BBOX1: variants seen among roughly 807,000 people sequenced by gnomAD.
BBOX1 encodes the protein gamma-butyrobetaine dioxygenase.
In BBOX1, 35 loss-of-function variants were observed where a neutral mutation model predicts 41.6. The ratio of observed to expected loss-of-function variants is 0.84; its 90% CI spans 0.64 to 1.11. BBOX1 has a LOEUF of 1.11. Among genes scored for constraint, BBOX1 ranks in the 50% most tolerant of loss-of-function variants. The pLI is 0.00. For synonymous variants in BBOX1, 163 were observed against 154.7 expected (o/e 1.05, Z -0.40); for missense variants, 458 against 460.6 (o/e 0.99, Z 0.05).
chr11:27,046,292 A>G (rs917203088), intron 2 of BBOX1: 1 of 152,186 alleles, frequency 6.6e-6, no homozygotes, highest in African/African-American at 2.4e-5. Context: ...AGAAAAAGAA[A>G]AAAAAGGAGA....
intron 5 of BBOX1, 140 bp from the exon 6 acceptor site, chr11:27,115,312 T>C (rs1859218829): frequency 1.6e-6 from 1 of 623,410 alleles, no homozygotes; most frequent in Non-Finnish European, 2.6e-6. Flanking sequence ...GTCAGATTCC[T>C]TGTCTCACTC....
At chr11:27,078,381 G>A (rs1329104616) in intron 4 of BBOX1, among the ~76,000 whole-genome samples, 1 of 151,750 alleles carries the variant, frequency 6.6e-6, no homozygotes, top group Non-Finnish European at 1.5e-5. Flanking sequence ...GTGCAGTTTT[G>A]TTACAATGTA....
At chr11:27,099,325 G>T (rs1858559474) in intron 5 of BBOX1, among the ~76,000 whole-genome samples, 1 of 151,870 alleles carries the variant, frequency 6.6e-6, no homozygotes, top group African/African-American at 2.4e-5. Flanking sequence ...TGTAATGAGG[G>T]TTACACTGGT....
chr11:27,093,673 G>T lies in BBOX1; in HGVS notation c.533+307G>T, dbSNP rs528952959. Among the ~76,000 whole-genome samples the T allele has an allele frequency of 1.4e-4, 22 of 151,778 alleles. 1 individual carries two copies. Among genetic ancestry groups the T allele is most frequent in the African/African-American group, 5.1e-4 (21 of 41,372 alleles). On this transcript the variant is annotated intron_variant, in intron 5 of 8. Transcript: ENST00000263182. The stretch of plus-strand genomic sequence containing the variant: ...TTAAACAGCAGAAAATTATTTATTT[G>T]TTTTTTTACAGTTCTGGAAACTGGA...
At chr11:27,062,678 C>T (rs1161064607) in intron 4 of BBOX1, among the ~76,000 whole-genome samples, 1 of 152,092 alleles carries the variant, frequency 6.6e-6, no homozygotes, top group African/African-American at 2.4e-5. Flanking sequence ...CTGCCTCAGC[C>T]TCCCGAGTAG....
intron 4 of BBOX1, among the ~76,000 whole-genome samples, chr11:27,088,400 G>A (rs1858120982): frequency 6.6e-6 from 1 of 152,068 alleles, no homozygotes; most frequent in Non-Finnish European, 1.5e-5. Context: ...GAAGCTAGCT[G>A]ATTTTTCAGT....
chr11:27,116,472 C>A (rs1590225204), intron 6 of BBOX1, among the ~76,000 whole-genome samples: 1 of 150,444 alleles, frequency 6.6e-6, no homozygotes, highest in Non-Finnish European at 1.5e-5. Context: ...TAAAGTATAA[C>A]AAAAAAAAAA....
intron 4 of BBOX1, among the ~76,000 whole-genome samples, chr11:27,090,232 G>A (rs978509145): frequency 8.6e-5 from 13 of 151,894 alleles, no homozygotes; most frequent in Non-Finnish European, 5.9e-5. Context: ...ATATTTCAAC[G>A]TAGGTTCTTT....
chr11:27,104,483 T>C (rs1051658790), intron 5 of BBOX1, among the ~76,000 whole-genome samples: 2 of 152,190 alleles, frequency 1.3e-5, no homozygotes, highest in Non-Finnish European at 2.9e-5. Context: ...TAGGGAGAAT[T>C]CAGAGAGATT....
intron 4 of BBOX1, among the ~76,000 whole-genome samples, chr11:27,065,415 A>G (rs150163207): frequency 1.3e-5 from 2 of 152,238 alleles, no homozygotes; most frequent in African/African-American, 4.8e-5. Context: ...CATTTTCTGC[A>G]CTGCACTTGG....
chr11:27,048,950 ATATATTCTCATTG>A (rs1369415589), intron 2 of BBOX1, among the ~76,000 whole-genome samples: 1 of 122,590 alleles, frequency 8.2e-6, no homozygotes, highest in Non-Finnish European at 1.6e-5. Context: ...TCCTGTGTCC[ATATATTCTCATTG>A]TTAAATTCCC....
intron 4 of BBOX1, among the ~76,000 whole-genome samples, chr11:27,064,600 A>C (rs1857226282): frequency 6.6e-6 from 1 of 152,164 alleles, no homozygotes; most frequent in African/African-American, 2.4e-5. Flanking sequence ...TGCTCAAAGA[A>C]AGACCATGGT....
intron 5 of BBOX1, 36 bp from the exon 6 acceptor site, chr11:27,115,416 C>T: frequency 6.5e-7 from 1 of 1,543,908 alleles, no homozygotes; most frequent in Non-Finnish European, 8.9e-7. Flanking sequence ...GGCTTAGTGA[C>T]AACCTGTTTA....
At chr11:27,041,759 T>C (rs1254433741) in intron 2 of BBOX1, among the ~76,000 whole-genome samples, 1 of 152,154 alleles carries the variant, frequency 6.6e-6, no homozygotes, top group Non-Finnish European at 1.5e-5. Flanking sequence ...CTTAGTCTGA[T>C]AGTCAAATTA....
At chr11:27,104,271 T>C (rs1191327395) in intron 5 of BBOX1, among the ~76,000 whole-genome samples, 2 of 152,150 alleles carry the variant, frequency 1.3e-5, no homozygotes, top group African/African-American at 4.8e-5. Context: ...TGTTAGTGAT[T>C]TGGGAATGTT....
intron 7 of BBOX1, 145 bp from the exon 8 acceptor site, chr11:27,125,509 C>A: frequency 1.6e-6 from 1 of 614,932 alleles, no homozygotes; most frequent in Non-Finnish European, 2.5e-6. Context: ...TACATTGCAC[C>A]ACAGGTAGCC....
chr11:27,092,549 G>A (rs546661815), intron 4 of BBOX1, among the ~76,000 whole-genome samples: 8 of 151,992 alleles, frequency 5.3e-5, no homozygotes, highest in South Asian at 2.1e-4. Context: ...GAGAGCTAAC[G>A]GAAAGCATTT....
intron 4 of BBOX1, among the ~76,000 whole-genome samples, chr11:27,089,190 A>G (rs1858148192): frequency 8.1e-4 from 1 of 1,228 alleles, no homozygotes; most frequent in Non-Finnish European, 2.0e-3. Flanking sequence ...ATTTATTTAA[A>G]TTAATTAAAA....
At chr11:27,074,614 A>AGATGATT (rs1266616158) in intron 4 of BBOX1, among the ~76,000 whole-genome samples, 1 of 152,196 alleles carries the variant, frequency 6.6e-6, no homozygotes, top group Non-Finnish European at 1.5e-5. Context: ...AAATTGAGAA[A>AGATGATT]GATGATTTAG....
Sources: gnomAD v4.1 joint callset for allele counts (sites outside exome capture counted in the v4.1 genomes callset) on GRCh38, gnomAD v4.1.1 for gene constraint, MANE v1.5 for transcripts, NCBI Gene and HGNC (gene_info 2026-07-23, HGNC 2026-07-21) for gene names.